Variants in OPALIN observed in about 807,000 individuals in gnomAD.
OPALIN encodes the protein oligodendrocytic myelin paranodal and inner loop protein, also known as transmembrane protein 10.
In OPALIN, 15 loss-of-function variants were observed where a neutral mutation model predicts 17.8. That is an observed-to-expected ratio of 0.84 (90% confidence interval 0.56 to 1.29). The LOEUF is 1.29. Ranked by LOEUF, OPALIN falls within the 50% of genes most tolerant of loss-of-function variation. OPALIN has a pLI of 0.00. For missense variants in OPALIN, 170 were observed against 176.0 expected (o/e 0.97, Z 0.19); for synonymous variants, 62 against 63.8 (o/e 0.97, Z 0.14).
Position 96,349,746 on chromosome 10 carries a change from A to G in OPALIN, c.153T>C (p.Thr51=). Residue 51 remains threonine, a synonymous_variant, in exon 4 of 6, where the codon ACT becomes ACC. Coordinates refer to ENST00000371172, the MANE Select transcript of OPALIN (RefSeq NM_033207.5). ...TGCTGCTTCTTCTTCGGTGAATCAA[A>G]GTAAATAGTAAAGCCACCAGCAGGG... ...ATALLVALLF[T]LIHRRRSSIE... 1 of 1,614,060 alleles carries G rather than the reference A, an allele frequency of 6.2e-7. No homozygotes were observed.
At chr10:96,356,960 C>A (rs905311992) in intron 1 of OPALIN, 1 of 985,460 alleles carries the variant, frequency 1.0e-6, no homozygotes, top group Non-Finnish European at 1.2e-6. Context: ...GGCTTCCAAG[C>A]AACTCCAGTA....
intron 3 of OPALIN, among the ~76,000 whole-genome samples, chr10:96,351,053 C>G (rs537467165): frequency 5.4e-4 from 83 of 152,362 alleles, no homozygotes; most frequent in African/African-American, 1.9e-3. Context: ...CCCCTCAAAT[C>G]TCTTCCAGCC....
chr10:96,349,269 A>C (rs558815859), intron 4 of OPALIN, among the ~76,000 whole-genome samples: 1 of 152,174 alleles, frequency 6.6e-6, no homozygotes, highest in South Asian at 2.1e-4. Context: ...GGGAGGATAT[A>C]GATTCCCTTG....
rs575664753 is a variant in OPALIN at position 96,351,254 on chromosome 10, T to A, written c.72+124A>T. The stretch of plus-strand genomic sequence containing the variant: ...TTGAGCGGAGCTGGTCAAGAATAAT[T>A]CTTGAGCCAGATTCTGTGCTTAGTG... On this transcript the variant is annotated intron_variant, in intron 3 of 5. Coordinates refer to ENST00000371172, the MANE Select transcript of OPALIN (RefSeq NM_033207.5). 4.5e-6 allele frequency: 3 copies of A among 672,970 alleles called. No homozygotes were observed. The South Asian group carries it at 5.4e-5, about 12-fold the overall frequency. 41.7% of individuals were successfully genotyped at this position (672,970 alleles called of 1,614,324 possible). A position where few individuals can be genotyped will look rare whatever the true frequency, so the allele number is the denominator to read the frequency against.
At chr10:96,350,762 T>C (rs985674837) in intron 3 of OPALIN, among the ~76,000 whole-genome samples, 4 of 152,252 alleles carry the variant, frequency 2.6e-5, no homozygotes, top group African/African-American at 9.6e-5. Flanking sequence ...CCATTTTGCT[T>C]TGATCGGAGT....
intron 1 of OPALIN, chr10:96,357,101 C>T (rs1845854280): frequency 7.1e-6 from 7 of 985,470 alleles, no homozygotes; most frequent in Non-Finnish European, 8.4e-6. Flanking sequence ...CTAACCACTG[C>T]TCTTCACGCT....
At chr10:96,355,469 G>A (rs1401538895) in intron 1 of OPALIN, among the ~76,000 whole-genome samples, 179 bp from the exon 2 acceptor site, 1 of 152,106 alleles carries the variant, frequency 6.6e-6, no homozygotes, top group Non-Finnish European at 1.5e-5. Context: ...CAAGGAGCCT[G>A]TCATGAGTTC....
chr10:96,356,999 G>T (rs1845848861), intron 1 of OPALIN: 29 of 985,312 alleles, frequency 2.9e-5, no homozygotes, highest in Non-Finnish European at 3.3e-5. Context: ...GAGCACCCAG[G>T]CTGACAGCAC....
In OPALIN at chr10:96,345,874, A is replaced by G; in HGVS notation, c.*67T>C. The G allele has an allele frequency of 6.7e-7, 1 of 1,497,138 alleles. No homozygotes were observed. Among genetic ancestry groups the G allele is most frequent in the Non-Finnish European group, 9.1e-7 (1 of 1,097,444 alleles). 92.7% of individuals were successfully genotyped at this position (1,497,138 alleles called of 1,614,324 possible). A position where few individuals can be genotyped will look rare whatever the true frequency, so the allele number is the denominator to read the frequency against. ...AAGCAGCTTGGCATCTTTCCTCTCC[A>G]AGTACAAAACCCTGGGTTTTCAACC... On this transcript the variant is annotated 3_prime_UTR_variant, in exon 6 of 6. Coordinates refer to ENST00000371172, the MANE Select transcript of OPALIN (RefSeq NM_033207.5).
chr10:96,358,186 T>TAAAAAAA (rs61616596), intron 1 of OPALIN, among the ~76,000 whole-genome samples: 2,420 of 61,400 alleles, frequency 0.039, 153 homozygotes, highest in Non-Finnish European at 0.043. Context: ...ATGCTTTTTG[T>TAAAAAAA]AAAAAAAAAA....
rs1356467907 is a variant in OPALIN, at chr10:96,355,133, A to G, written c.39+122T>C. The G allele has an allele frequency of 1.7e-4, 35 of 210,050 alleles. 1 individual carries two copies. In the South Asian group the frequency reaches 2.4e-3, roughly 14 times the overall value. 13.0% of individuals were successfully genotyped at this position (210,050 alleles called of 1,614,324 possible). ...AAAAAAAAAAAAAAAAAAAAAAAAA[A>G]AAAGAAAGTCTGTGTAACTTATCAC... On this transcript the variant is annotated intron_variant, in intron 2 of 5. Coordinates refer to ENST00000371172, the MANE Select transcript of OPALIN (RefSeq NM_033207.5).
rs556973351 is a variant in OPALIN, at chr10:96,355,152, T to C, written c.39+103A>G. 130 of 502,884 alleles carry C rather than the reference T, an allele frequency of 2.6e-4. 4 individuals carry two copies. Among genetic ancestry groups the C allele is most frequent in the South Asian group, 2.4e-3 (128 of 52,404 alleles). The allele number at this position is 502,884 out of a possible 1,614,324, so 31.2% of individuals were successfully genotyped here. On this transcript the variant is annotated intron_variant, in intron 2 of 5. Transcript: ENST00000371172. Reference sequence around the variant, plus strand: ...AAAAAAAAAAGAAAGTCTGTGTAACTTATCACCGTGTGTGAGGGGTTTATG... The same window carrying C: ...AAAAAAAAAAGAAAGTCTGTGTAACCTATCACCGTGTGTGAGGGGTTTATG...
At chr10:96,352,630 G>GT (rs1294059862) in intron 2 of OPALIN, among the ~76,000 whole-genome samples, 1 of 150,350 alleles carries the variant, frequency 6.7e-6, no homozygotes, top group Non-Finnish European at 1.5e-5. Flanking sequence ...ATTGTTTCAG[G>GT]TAAGGCTTCC....
chr10:96,356,561 C>T (rs1460505864), intron 1 of OPALIN, among the ~76,000 whole-genome samples: 1 of 152,110 alleles, frequency 6.6e-6, no homozygotes, highest in Non-Finnish European at 1.5e-5. Flanking sequence ...AACCCCAACC[C>T]GAAAGATGGT....
In OPALIN at chr10:96,343,330, A is replaced by G. The variant is rs1428395626; in HGVS notation, c.*2611T>C. 1.3e-5 allele frequency: 2 copies of G among 152,260 alleles called. No individual in the cohort carries two copies. The highest frequency in any genetic ancestry group is 4.8e-5 in the African/African-American group (2 of 41,480). The allele number at this position is 152,260 out of a possible 1,614,324, so 9.4% of individuals were successfully genotyped here. ...TGCTGAACCTTTCTAGTTTAATAGA[A>G]ACAATGTTTAAATATTCTAAGCCGT... On this transcript the variant is annotated 3_prime_UTR_variant, in exon 6 of 6. Transcript: ENST00000371172.
chr10:96,346,045 C>T lies in OPALIN; in HGVS notation c.322G>A (p.Val108Ile). The change falls in exon 6 of 6, where the codon GTA becomes ATA. Residue 108 changes from valine to isoleucine, a missense_variant. Val to Ile is a conservative substitution (Grantham distance 29, BLOSUM62 3). Transcript: ENST00000371172. ...AQEAHIYVKT[V>I]AGSEEPVHDR... ...TGCACAGGTTCCTCGCTTCCTGCTA[C>T]AGTCTTCACATATATGTGGGCCTCT... 1 of 1,614,096 alleles carries T rather than the reference C, an allele frequency of 6.2e-7. No homozygotes were observed.
Position 96,343,418 on chromosome 10 carries a change from C to G in OPALIN, c.*2523G>C, listed in dbSNP as rs185207940. The G allele has an allele frequency of 1.5e-4, 23 of 152,240 alleles. No individual in the cohort carries two copies. The highest frequency in any genetic ancestry group is 3.4e-4 in the Non-Finnish European group (23 of 68,048). The allele number at this position is 152,240 out of a possible 1,614,324, so 9.4% of individuals were successfully genotyped here. Reference sequence around the variant, plus strand: ...CAAGTCATCCCTCACTTTATAGCTACATGGCTTAGTCACATGCATATTTCA... The same window carrying G: ...CAAGTCATCCCTCACTTTATAGCTAGATGGCTTAGTCACATGCATATTTCA... On this transcript the variant is annotated 3_prime_UTR_variant, in exon 6 of 6. Transcript: ENST00000371172.
intron 1 of OPALIN, chr10:96,356,837 T>C: frequency 1.0e-6 from 1 of 973,294 alleles, no homozygotes; most frequent in Non-Finnish European, 1.2e-6. Flanking sequence ...CCGCATTTTA[T>C]AGAGAATAAC....
chr10:96,351,465 A>G, intron 2 of OPALIN, 55 bp from the exon 3 acceptor site: 2 of 1,137,434 alleles, frequency 1.8e-6, no homozygotes, highest in Non-Finnish European at 2.5e-6. Flanking sequence ...TAGAATATAC[A>G]TTATACAAGA....
Sources: gnomAD v4.1 joint callset for allele counts (sites outside exome capture counted in the v4.1 genomes callset) on GRCh38, gnomAD v4.1.1 for gene constraint, MANE v1.5 for transcripts, NCBI Gene and HGNC (gene_info 2026-07-23, HGNC 2026-07-21) for gene names.